The following B3GAT2 variants were observed in gnomAD, a reference collection of about 807,000 sequenced individuals.
The protein encoded by B3GAT2 is beta-1,3-glucuronyltransferase 2, also known as galactosylgalactosylxylosylprotein 3-beta-glucuronosyltransferase 2.
A neutral mutation model predicts 27.8 loss-of-function variants in B3GAT2; 26 were observed. The observed-to-expected ratio is 0.93, with a 90% CI of 0.68 to 1.30. B3GAT2 has a LOEUF of 1.30. B3GAT2 is among the 50% of genes most tolerant of loss of function. B3GAT2 has a pLI of 0.00. For synonymous variants in B3GAT2, 218 were observed against 195.1 expected, an observed-to-expected ratio of 1.12 and a Z score of -0.98; for missense variants, 458 against 459.0, an observed-to-expected ratio of 1.00 and a Z score of 0.02.
intron 1 of B3GAT2, among the ~76,000 whole-genome samples, chr6:70,931,264 G>A (rs192174582): frequency 3.3e-3 from 508 of 151,988 alleles, no homozygotes; most frequent in African/African-American, 0.011. Context: ...GCACACCAAC[G>A]TGGCACATAT....
In B3GAT2 at chr6:70,891,460, A is replaced by G. The variant is rs1772287043; in HGVS notation, c.736+2668T>C. The stretch of plus-strand genomic sequence containing the variant: ...CAAAATTTCAGTATCAGGCAAGTTC[A>G]ACATGGCAATAAAATGACAGTGTAA... On this transcript the variant is annotated intron_variant, in intron 2 of 3. Transcript: ENST00000230053. 2.6e-5 allele frequency among the ~76,000 whole-genome samples: 4 copies of G among 152,232 alleles called. No homozygotes were observed. The South Asian group carries it at 8.3e-4, about 32-fold the overall frequency.
intron 1 of B3GAT2, among the ~76,000 whole-genome samples, chr6:70,922,373 T>A (rs1318055398): frequency 6.6e-6 from 1 of 152,136 alleles, no homozygotes; most frequent in African/African-American, 2.4e-5. Flanking sequence ...TAGAACACTG[T>A]ATCCAACAAT....
At chr6:70,883,016 C>T (rs1251120426) in intron 2 of B3GAT2, among the ~76,000 whole-genome samples, 1 of 152,090 alleles carries the variant, frequency 6.6e-6, no homozygotes, top group Non-Finnish European at 1.5e-5. Flanking sequence ...GAATGAGATA[C>T]CACTTCATCC....
chr6:70,886,346 A>G (rs1289628464), intron 2 of B3GAT2, among the ~76,000 whole-genome samples: 1 of 152,242 alleles, frequency 6.6e-6, no homozygotes, highest in African/African-American at 2.4e-5. Context: ...AAGAAAGAAC[A>G]CAGAATGCTT....
chr6:70,870,459 T>C (rs908586540), intron 2 of B3GAT2, among the ~76,000 whole-genome samples: 9 of 149,770 alleles, frequency 6.0e-5, no homozygotes, highest in Non-Finnish European at 5.9e-5. Flanking sequence ...AGTTAATGGG[T>C]GCAGCACACC....
chr6:70,879,401 C>G (rs1772064201), intron 2 of B3GAT2, among the ~76,000 whole-genome samples: 1 of 152,294 alleles, frequency 6.6e-6, no homozygotes, highest in African/African-American at 2.4e-5. Context: ...CATAGAGAAG[C>G]AGTTTTCCCC....
chr6:70,924,390 T>C (rs1365216860), intron 1 of B3GAT2, among the ~76,000 whole-genome samples: 1 of 152,190 alleles, frequency 6.6e-6, no homozygotes, highest in Non-Finnish European at 1.5e-5. Context: ...ATGATGTTTT[T>C]TGCAGTAACA....
At chr6:70,879,984 GC>G (rs1312618488) in intron 2 of B3GAT2, among the ~76,000 whole-genome samples, 2 of 151,784 alleles carry the variant, frequency 1.3e-5, no homozygotes, top group African/African-American at 4.8e-5. Flanking sequence ...TTAACCTGGA[GC>G]CTAACGGGTC....
chr6:70,883,682 C>T (rs1359713880), intron 2 of B3GAT2, among the ~76,000 whole-genome samples: 4 of 152,082 alleles, frequency 2.6e-5, no homozygotes, highest in Non-Finnish European at 4.4e-5. Context: ...AATTGAATAC[C>T]ACTGAACTGT....
intron 1 of B3GAT2, among the ~76,000 whole-genome samples, chr6:70,936,383 C>T (rs1015472677): frequency 1.3e-5 from 2 of 151,996 alleles, no homozygotes; most frequent in African/African-American, 4.8e-5. Flanking sequence ...GAATTGAACT[C>T]AGCTCTGCAC....
chr6:70,871,845 G>A lies in B3GAT2; in HGVS notation c.737-9867C>T, dbSNP rs566785733. Among the ~76,000 whole-genome samples the A allele has an allele frequency of 3.3e-5, 5 of 151,914 alleles. No homozygotes were observed. In the South Asian group the frequency reaches 6.2e-4, roughly 19 times the overall value. On this transcript the variant is annotated intron_variant, in intron 2 of 3. Transcript: ENST00000230053. Reference sequence around the variant, plus strand: ...AATGGAGGTATGTGAAGCTATAAATGTCCTGCTAAGCACTACTCTGGCTGT... The same window carrying A: ...AATGGAGGTATGTGAAGCTATAAATATCCTGCTAAGCACTACTCTGGCTGT...
intron 2 of B3GAT2, 148 bp from the exon 3 acceptor site, chr6:70,862,126 CT>C: frequency 1.4e-6 from 1 of 691,384 alleles, no homozygotes; most frequent in Non-Finnish European, 2.4e-6. Flanking sequence ...GGAACATTAC[CT>C]GTATTACAGT....
rs1193087001 is a variant in B3GAT2 at position 70,860,647 on chromosome 6, T to C, written c.*1016A>G. Reference sequence around the variant, plus strand: ...TAAAATTATAGCTCTAATGTTTGCATATAAGGGAAGTAGTTATCATGTTAG... The same window carrying C: ...TAAAATTATAGCTCTAATGTTTGCACATAAGGGAAGTAGTTATCATGTTAG... On this transcript the variant is annotated 3_prime_UTR_variant, in exon 4 of 4. Transcript: ENST00000230053. 2.4e-6 allele frequency: 1 copy of C among 422,078 alleles called. No homozygotes were observed. The highest frequency in any genetic ancestry group is 2.0e-5 in the African/African-American group (1 of 49,200). 26.1% of individuals were successfully genotyped at this position (422,078 alleles called of 1,614,324 possible). A position where few individuals can be genotyped will look rare whatever the true frequency, so the allele number is the denominator to read the frequency against.
chr6:70,910,507 T>C (rs1405186887), intron 1 of B3GAT2, among the ~76,000 whole-genome samples: 2 of 152,212 alleles, frequency 1.3e-5, no homozygotes, highest in Non-Finnish European at 2.9e-5. Flanking sequence ...CATCATCTTA[T>C]TCTTTTTTTA....
intron 1 of B3GAT2, among the ~76,000 whole-genome samples, chr6:70,929,324 T>C (rs1416694246): frequency 1.3e-5 from 2 of 152,006 alleles, no homozygotes; most frequent in East Asian, 3.9e-4. Flanking sequence ...TGTGCACATG[T>C]ACCCTAGAAC....
chr6:70,956,797 C>A lies in B3GAT2; in HGVS notation c.-368G>T. On this transcript the variant is annotated 5_prime_UTR_variant, in exon 1 of 4. Coordinates refer to ENST00000230053, the MANE Select transcript of B3GAT2 (RefSeq NM_080742.3). ...TTTCTGAAGAGTGGAAGCCGAGAAGCGGCACCCGGTGCGCCTCGCCGCTCC... is the reference window on the plus strand; with the variant it reads ...TTTCTGAAGAGTGGAAGCCGAGAAGAGGCACCCGGTGCGCCTCGCCGCTCC... 2 of 1,082,102 alleles carry A rather than the reference C, an allele frequency of 1.8e-6. No homozygotes were observed. Among genetic ancestry groups the A allele is most frequent in the Non-Finnish European group, 1.1e-6 (1 of 891,762 alleles). 67.0% of individuals were successfully genotyped at this position (1,082,102 alleles called of 1,614,324 possible).
chr6:70,894,088 C>G (rs751263724), intron 2 of B3GAT2, 40 bp downstream of exon 2: 4 of 1,527,410 alleles, frequency 2.6e-6, no homozygotes, highest in Non-Finnish European at 3.5e-6. Context: ...AGCATAAGAA[C>G]AGTCCAGCAG....
intron 1 of B3GAT2, among the ~76,000 whole-genome samples, chr6:70,914,528 A>G (rs1156868963): frequency 6.6e-6 from 1 of 151,944 alleles, no homozygotes; most frequent in Non-Finnish European, 1.5e-5. Flanking sequence ...TATCCAGTCT[A>G]TTATTATTAT....
intron 1 of B3GAT2, among the ~76,000 whole-genome samples, chr6:70,955,175 C>A (rs1442685461): frequency 2.3e-3 from 307 of 131,514 alleles, no homozygotes; most frequent in Middle Eastern, 7.6e-3. Flanking sequence ...GGTTTTCTTG[C>A]AAAAAAAAAA....
Sources: allele counts gnomAD v4.1 joint callset (sites outside exome capture counted in the v4.1 genomes callset), GRCh38; gene constraint gnomAD v4.1.1; transcripts MANE v1.5; gene names NCBI Gene and HGNC (gene_info 2026-07-23, HGNC 2026-07-21).